MECOM: variants seen among roughly 807,000 people sequenced by gnomAD.
The protein encoded by MECOM is MDS1 and EVI1 complex locus.
MECOM carries 13 observed loss-of-function variants against 116.3 expected under a neutral mutation model. The ratio of observed to expected loss-of-function variants is 0.11; its 90% CI spans 0.07 to 0.18. The LOEUF (loss-of-function observed/expected upper bound fraction) is 0.18, where lower values mean the gene tolerates loss of function less well. Ranked by LOEUF, MECOM falls within the 10% of genes least tolerant of loss-of-function variation. MECOM has a pLI of 1.00. For missense variants in MECOM, 1,299 were observed against 1,509.0 expected (o/e 0.86, Z 2.31); for synonymous variants, 528 against 535.2 (o/e 0.99, Z 0.19).
chr3:169,523,433 AT>A (rs34747811), intron 1 of MECOM, among the ~76,000 whole-genome samples: 115,450 of 147,912 alleles, frequency 0.78, 45,450 homozygotes, highest in African/African-American at 0.92. Context: ...ACTGCAGGTA[AT>A]TTTTTTTTTT....
intron 12 of MECOM, among the ~76,000 whole-genome samples, chr3:169,098,928 C>A (rs541713780): frequency 2.6e-5 from 4 of 152,006 alleles, no homozygotes; most frequent in African/African-American, 9.7e-5. Context: ...GTTTCAGGTA[C>A]GTTTGTCACA....
At chr3:169,090,281 T>C (rs566646344) in intron 14 of MECOM, 45 bp from the exon 15 acceptor site, 2 of 1,534,410 alleles carry the variant, frequency 1.3e-6, no homozygotes, top group Non-Finnish European at 1.8e-6. Flanking sequence ...GGTTTCATTT[T>C]TAAAATTGTA....
At chr3:169,193,561 T>C (rs1378600987) in intron 2 of MECOM, among the ~76,000 whole-genome samples, 1 of 151,732 alleles carries the variant, frequency 6.6e-6, no homozygotes, top group Non-Finnish European at 1.5e-5. Context: ...TGCACAGGGG[T>C]CTTCAATGGT....
intron 1 of MECOM, among the ~76,000 whole-genome samples, chr3:169,469,750 G>A (rs1047038945): frequency 6.6e-6 from 1 of 152,038 alleles, no homozygotes; most frequent in Non-Finnish European, 1.5e-5. Flanking sequence ...GACAAAGTGG[G>A]TAATTTTTCA....
At chr3:169,310,740 T>G (rs1718592408) in intron 2 of MECOM, among the ~76,000 whole-genome samples, 1 of 152,218 alleles carries the variant, frequency 6.6e-6, no homozygotes, top group South Asian at 2.1e-4. Context: ...CACACACACA[T>G]GCACACATGC....
At chr3:169,280,323 T>A (rs1711661495) in intron 2 of MECOM, among the ~76,000 whole-genome samples, 1 of 152,200 alleles carries the variant, frequency 6.6e-6, no homozygotes, top group Non-Finnish European at 1.5e-5. Context: ...GCCTACTTAT[T>A]TTATTTTCCA....
chr3:169,193,663 TA>T (rs1319850314), intron 2 of MECOM, among the ~76,000 whole-genome samples: 2 of 151,916 alleles, frequency 1.3e-5, no homozygotes, highest in African/African-American at 2.4e-5. Context: ...AAATATTAAA[TA>T]AAAAATATTT....
rs565064182 is a variant in MECOM, at chr3:169,385,526, A to G, written c.38-4002T>C. 3.3e-5 allele frequency among the ~76,000 whole-genome samples: 5 copies of G among 152,216 alleles called. No individual in the cohort carries two copies. In the South Asian group the frequency reaches 1.0e-3, roughly 32 times the overall value. On this transcript the variant is annotated intron_variant, in intron 1 of 16. Transcript: ENST00000651503. ...GTGATGACAAAAGCGAAAATATTAA[A>G]CTGCTGAGTTTTACGTATCAAAACA...
intron 12 of MECOM, among the ~76,000 whole-genome samples, chr3:169,097,794 C>G (rs1474136190): frequency 2.7e-5 from 3 of 111,654 alleles, no homozygotes; most frequent in Non-Finnish European, 5.1e-5. Context: ...GCCTGAGCAA[C>G]AGAGTGAGAC....
chr3:169,620,277 G>A (rs559986032), intron 1 of MECOM, among the ~76,000 whole-genome samples: 7 of 152,212 alleles, frequency 4.6e-5, no homozygotes, highest in African/African-American at 1.7e-4. Context: ...GCCATATTAG[G>A]CAAATAACAT....
intron 1 of MECOM, among the ~76,000 whole-genome samples, chr3:169,601,858 T>C (rs545308490): frequency 6.6e-6 from 1 of 152,244 alleles, no homozygotes; most frequent in African/African-American, 2.4e-5. Flanking sequence ...AAAAATACCC[T>C]GCAATGCTGC....
intron 1 of MECOM, among the ~76,000 whole-genome samples, chr3:169,498,317 C>T (rs1426244801): frequency 6.6e-6 from 1 of 152,038 alleles, no homozygotes; most frequent in Non-Finnish European, 1.5e-5. Flanking sequence ...TAAGTACATG[C>T]CAAAATTGCC....
intron 2 of MECOM, among the ~76,000 whole-genome samples, chr3:169,181,653 A>C (rs1213605263): frequency 6.6e-6 from 1 of 152,204 alleles, no homozygotes; most frequent in Non-Finnish European, 1.5e-5. Context: ...GAGGATTCCA[A>C]AAGTACCAGA....
At chr3:169,636,970 G>A (rs1225913790) in intron 1 of MECOM, among the ~76,000 whole-genome samples, 3 of 152,084 alleles carry the variant, frequency 2.0e-5, no homozygotes, top group South Asian at 2.1e-4. Flanking sequence ...CCCAGTATTC[G>A]TGCCCTTGTG....
chr3:169,483,613 A>G, intron 1 of MECOM: 2 of 1,208,070 alleles, frequency 1.7e-6, no homozygotes, highest in Non-Finnish European at 2.3e-6. Context: ...ATAAACCACC[A>G]TTTTGGTTCC....
At chr3:169,392,158 C>T (rs754398111) in intron 1 of MECOM, among the ~76,000 whole-genome samples, 7 of 152,152 alleles carry the variant, frequency 4.6e-5, no homozygotes, top group Non-Finnish European at 8.8e-5. Context: ...TTGCAGTTAG[C>T]AGGATTTAAG....
intron 2 of MECOM, among the ~76,000 whole-genome samples, chr3:169,322,447 G>A (rs1407699979): frequency 1.3e-5 from 2 of 152,044 alleles, no homozygotes; most frequent in Non-Finnish European, 2.9e-5. Flanking sequence ...CAGCTCACTA[G>A]TCTCTCAATA....
intron 1 of MECOM, among the ~76,000 whole-genome samples, chr3:169,543,300 C>T (rs1229307278): frequency 6.6e-6 from 1 of 152,156 alleles, no homozygotes; most frequent in Admixed American, 6.5e-5. Context: ...TGAGACTGGG[C>T]ACAGTGGCTC....
intron 2 of MECOM, among the ~76,000 whole-genome samples, chr3:169,148,052 A>G (rs989644162): frequency 6.6e-6 from 1 of 152,134 alleles, no homozygotes; most frequent in Admixed American, 6.5e-5. Context: ...CTCATACTCT[A>G]ATTTATTCCC....
Sources: allele counts gnomAD v4.1 joint callset (sites outside exome capture counted in the v4.1 genomes callset), GRCh38; gene constraint gnomAD v4.1.1; transcripts MANE v1.5; gene names NCBI Gene and HGNC (gene_info 2026-07-23, HGNC 2026-07-21).